TDRD12: variants seen among roughly 807,000 people sequenced by gnomAD.
TDRD12 encodes putative ATP-dependent RNA helicase TDRD12.
A neutral mutation model predicts 133.5 loss-of-function variants in TDRD12; 158 were observed. The observed-to-expected ratio is 1.18, with a 90% CI of 1.04 to 1.35. TDRD12 has a LOEUF of 1.35. TDRD12 is among the 40% of genes most tolerant of loss of function. The pLI, the probability that TDRD12 is intolerant of heterozygous loss-of-function variation, is 0.00. For missense variants in TDRD12, 1,443 were observed against 1,321.3 expected, an observed-to-expected ratio of 1.09 and a Z score of -1.43; for synonymous variants, 460 against 477.9, an observed-to-expected ratio of 0.96 and a Z score of 0.49.
intron 13 of TDRD12, among the ~76,000 whole-genome samples, chr19:32,792,926 G>A (rs1971114472): frequency 1.3e-5 from 2 of 152,178 alleles, no homozygotes; most frequent in African/African-American, 2.4e-5. Flanking sequence ...GGTGGCTCAC[G>A]CCTTTAATCC....
intron 25 of TDRD12, 35 bp downstream of exon 25, chr19:32,813,811 TTGAA>T: frequency 4.8e-6 from 6 of 1,250,534 alleles, no homozygotes; most frequent in Non-Finnish European, 6.7e-6. Flanking sequence ...ATAAATTTGT[TTGAA>T]TGGGCGGCTA....
At chr19:32,817,485 C>T (rs1170157497) in intron 26 of TDRD12, among the ~76,000 whole-genome samples, 2 of 152,114 alleles carry the variant, frequency 1.3e-5, no homozygotes, top group African/African-American at 4.8e-5. Context: ...TGGATCACCA[C>T]GTTTCACTTC....
chr19:32,723,381 G>A (rs897183540), intron 1 of TDRD12, among the ~76,000 whole-genome samples: 1 of 151,848 alleles, frequency 6.6e-6, no homozygotes, highest in African/African-American at 2.4e-5. Context: ...CTCCCAAGTA[G>A]CTGGGACTAC....
intron 21 of TDRD12, 43 bp downstream of exon 21, chr19:32,803,185 G>T: frequency 7.5e-7 from 1 of 1,333,786 alleles, no homozygotes; most frequent in Non-Finnish European, 1.0e-6. Flanking sequence ...TGTATAACCT[G>T]CAGTAAGGTG....
intron 10 of TDRD12, among the ~76,000 whole-genome samples, chr19:32,775,338 T>C (rs932322531): frequency 1.3e-5 from 2 of 152,210 alleles, no homozygotes; most frequent in African/African-American, 2.4e-5. Context: ...ATTATATCTA[T>C]ATTTTTTTGC....
At position 32,735,274 on chromosome 19, in the gene TDRD12, G is replaced by GAA. The variant is rs35780198; in HGVS notation, c.183+3400_183+3401dup. Reference sequence around the variant, plus strand: ...GTGCCACTCTGGAGAACACACAAATGAAAAAAAAAATGAAAAAAGAAGCAG... The same window carrying GAA: ...GTGCCACTCTGGAGAACACACAAATGAAAAAAAAAAAATGAAAAAAGAAGCAG... On this transcript the variant is annotated intron_variant, in intron 2 of 27. Transcript: ENST00000444215. 2.4e-3 allele frequency among the ~76,000 whole-genome samples: 362 copies of GAA among 149,288 alleles called. 9 individuals carry two copies. In the East Asian group the frequency reaches 0.041, roughly 17 times the overall value.
At chr19:32,752,332 A>G (rs946735158) in intron 6 of TDRD12, among the ~76,000 whole-genome samples, 12 of 152,148 alleles carry the variant, frequency 7.9e-5, no homozygotes, top group East Asian at 5.8e-4. Context: ...GGTGCCTGCC[A>G]CCACACCGGC....
At chr19:32,752,915 C>T (rs1969876741) in intron 6 of TDRD12, among the ~76,000 whole-genome samples, 1 of 151,642 alleles carries the variant, frequency 6.6e-6, no homozygotes, top group African/African-American at 2.4e-5. Flanking sequence ...GCCTCAACCT[C>T]CCGAGTAGCT....
rs1476164108 is a variant in TDRD12 at position 32,810,227 on chromosome 19, G to C, written c.2787G>C (p.Lys929Asn). 3.3e-6 allele frequency: 5 copies of C among 1,534,664 alleles called. No homozygotes were observed. The East Asian group carries it at 9.8e-5, about 30-fold the overall frequency. Residue 929 changes from lysine to asparagine, a missense_variant, in exon 23 of 28, where the codon AAG (lysine) becomes AAC (asparagine). Coordinates refer to ENST00000444215, the Ensembl canonical transcript of TDRD12. ...ATTCTAATAAAACAACTGTGGAAAAGGTGGAGAAGTTTGGATTGTATGGAT... is the reference window on the plus strand; with the variant it reads ...ATTCTAATAAAACAACTGTGGAAAACGTGGAGAAGTTTGGATTGTATGGAT...
chr19:32,751,575 TCCTTCCCCTCCCTC>T (rs939551884), intron 6 of TDRD12, among the ~76,000 whole-genome samples: 56 of 150,752 alleles, frequency 3.7e-4, no homozygotes, highest in African/African-American at 1.4e-3. Flanking sequence ...CCCCTCTCCT[TCCTTCCCCTCCCTC>T]CCTTCCCCTC....
intron 25 of TDRD12, 65 bp downstream of exon 25, chr19:32,813,841 T>TAA: frequency 2.1e-6 from 2 of 938,166 alleles, no homozygotes; most frequent in Non-Finnish European, 3.2e-6. Context: ...ATCCAGATTA[T>TAA]TCTAAGCCCT....
intron 2 of TDRD12, among the ~76,000 whole-genome samples, chr19:32,734,016 C>T (rs1031027177): frequency 2.6e-5 from 4 of 151,748 alleles, no homozygotes; most frequent in Admixed American, 2.0e-4. Flanking sequence ...CTTAGCCTCC[C>T]GAGTAGCTGG....
intron 1 of TDRD12, among the ~76,000 whole-genome samples, chr19:32,723,152 T>A (rs1234171250): frequency 3.3e-5 from 5 of 152,244 alleles, no homozygotes; most frequent in African/African-American, 1.2e-4. Flanking sequence ...CTCCTTTGTG[T>A]CTTATCAAAA....
chr19:32,746,346 C>G (rs111931623), intron 4 of TDRD12, among the ~76,000 whole-genome samples: 21 of 33,956 alleles, frequency 6.2e-4, no homozygotes, highest in South Asian at 1.2e-3. Context: ...CTGTGTGTGA[C>G]AGAGAGGGGG....
At chr19:32,795,961 C>G (rs927307467) in intron 14 of TDRD12, among the ~76,000 whole-genome samples, 2 of 152,170 alleles carry the variant, frequency 1.3e-5, no homozygotes, top group Non-Finnish European at 2.9e-5. Context: ...CCAATCACCC[C>G]CCACCAGCCC....
At chr19:32,766,203 T>C (rs1970291504) in intron 8 of TDRD12, among the ~76,000 whole-genome samples, 8 of 152,224 alleles carry the variant, frequency 5.3e-5, no homozygotes, top group Admixed American at 5.2e-4. Context: ...CATTTCTATT[T>C]AGTGCTATTT....
intron 11 of TDRD12, among the ~76,000 whole-genome samples, chr19:32,781,348 CTTTGGTT>C (rs1269423447): frequency 6.6e-6 from 1 of 152,198 alleles, no homozygotes; most frequent in Non-Finnish European, 1.5e-5. Flanking sequence ...TTTCTGCCTG[CTTTGGTT>C]TGTGCCTGAT....
chr19:32,744,351 T>C (rs1205820695), intron 4 of TDRD12, among the ~76,000 whole-genome samples: 1 of 151,136 alleles, frequency 6.6e-6, no homozygotes, highest in Non-Finnish European at 1.5e-5. Context: ...AACACAAAAA[T>C]TAGCCAGGCG....
chr19:32,787,617 G>A (rs1250113506), intron 11 of TDRD12, among the ~76,000 whole-genome samples: 2 of 152,170 alleles, frequency 1.3e-5, no homozygotes, highest in Middle Eastern at 3.2e-3. Flanking sequence ...TACACTGTGA[G>A]CATAGAACCG....
Sources: gnomAD v4.1 joint callset for allele counts (sites outside exome capture counted in the v4.1 genomes callset) on GRCh38, gnomAD v4.1.1 for gene constraint, MANE v1.5 for transcripts, NCBI Gene and HGNC (gene_info 2026-07-23, HGNC 2026-07-21) for gene names.